Variants in RBM47 observed in about 807,000 individuals in gnomAD.
RBM47 encodes RNA binding motif protein 47, also known as RNA-binding protein 47.
RBM47 carries 21 observed loss-of-function variants against 47.1 expected under a neutral mutation model. The observed-to-expected ratio is 0.45, with a 90% CI of 0.32 to 0.64. The LOEUF is 0.64. Among genes scored for constraint, RBM47 ranks in the 30% least tolerant of loss-of-function variants. RBM47 has a pLI of 0.05. For missense variants in RBM47, 708 were observed against 870.9 expected, an observed-to-expected ratio of 0.81 and a Z score of 2.35; for synonymous variants, 375 against 361.7, an observed-to-expected ratio of 1.04 and a Z score of -0.42.
chr4:40,455,043 G>T (rs1716029119), intron 3 of RBM47, among the ~76,000 whole-genome samples: 1 of 152,190 alleles, frequency 6.6e-6, no homozygotes, highest in African/African-American at 2.4e-5. Context: ...ACATGGTAAA[G>T]TTGTTGGGAA....
chr4:40,562,592 A>G (rs1560470788), intron 1 of RBM47, among the ~76,000 whole-genome samples: 1 of 151,654 alleles, frequency 6.6e-6, no homozygotes, highest in Non-Finnish European at 1.5e-5. Context: ...CAGTCTCCCA[A>G]ATAATTGGGA....
At chr4:40,468,210 C>T (rs1718336294) in intron 2 of RBM47, among the ~76,000 whole-genome samples, 1 of 152,156 alleles carries the variant, frequency 6.6e-6, no homozygotes, top group Admixed American at 6.5e-5. Flanking sequence ...TCACTTGAAC[C>T]TGGGATGCGG....
chr4:40,559,923 C>T (rs1314725923), intron 1 of RBM47, among the ~76,000 whole-genome samples: 1 of 152,200 alleles, frequency 6.6e-6, no homozygotes, highest in African/African-American at 2.4e-5. Flanking sequence ...CTAGTGTTTA[C>T]CTTTTTTAAA....
intron 2 of RBM47, among the ~76,000 whole-genome samples, chr4:40,532,309 A>ATTTTTTTT (rs34850081): frequency 1.5e-5 from 1 of 65,778 alleles, no homozygotes; most frequent in Non-Finnish European, 2.9e-5. Flanking sequence ...CACGCCCGGC[A>ATTTTTTTT]TTTTTTTTTT....
chr4:40,550,147 G>A (rs1255137141), intron 1 of RBM47, among the ~76,000 whole-genome samples: 2 of 152,130 alleles, frequency 1.3e-5, no homozygotes, highest in African/African-American at 4.8e-5. Context: ...TGATTTCCTT[G>A]CATCTCTCCC....
intron 2 of RBM47, among the ~76,000 whole-genome samples, chr4:40,501,457 T>C (rs977573884): frequency 6.6e-6 from 1 of 152,216 alleles, no homozygotes; most frequent in Non-Finnish European, 1.5e-5. Flanking sequence ...GCCAGTGCCA[T>C]CCAACAGAGC....
chr4:40,543,885 T>C (rs566792449), intron 2 of RBM47: 98 of 150,696 alleles, frequency 6.5e-4, no homozygotes, highest in African/African-American at 2.4e-3. Flanking sequence ...ATGCATTTCT[T>C]ACCCTTAAAA....
At chr4:40,508,124 C>G (rs1204652225) in intron 2 of RBM47, among the ~76,000 whole-genome samples, 1 of 152,202 alleles carries the variant, frequency 6.6e-6, no homozygotes, top group South Asian at 2.1e-4. Flanking sequence ...TCGGAGGTGG[C>G]GGAGCCTCAA....
At chr4:40,521,343 G>C (rs1245885445) in intron 2 of RBM47, among the ~76,000 whole-genome samples, 1 of 152,084 alleles carries the variant, frequency 6.6e-6, no homozygotes, top group African/African-American at 2.4e-5. Flanking sequence ...TGGGATTACA[G>C]GCACCTGCCA....
intron 1 of RBM47, among the ~76,000 whole-genome samples, chr4:40,587,190 A>G (rs1438491971): frequency 1.3e-5 from 2 of 152,122 alleles, no homozygotes. Flanking sequence ...AGGCATCTAG[A>G]GACAAGCGGG....
At chr4:40,589,076 T>G (rs530206305) in intron 1 of RBM47, among the ~76,000 whole-genome samples, 64 of 139,662 alleles carry the variant, frequency 4.6e-4, no homozygotes, top group African/African-American at 1.6e-3. Flanking sequence ...CGGGTTCAAG[T>G]GATTCTCCCA....
At chr4:40,468,392 C>T (rs1212592633) in intron 2 of RBM47, among the ~76,000 whole-genome samples, 1 of 152,174 alleles carries the variant, frequency 6.6e-6, no homozygotes, top group Non-Finnish European at 1.5e-5. Context: ...AGTTGTAGCA[C>T]ACTTTTTTCC....
In RBM47 at chr4:40,496,430, A is replaced by C. The variant is rs979510028; in HGVS notation, c.-154-29731T>G. Among the ~76,000 whole-genome samples the C allele has an allele frequency of 1.0e-3, 154 of 152,170 alleles. 2 individuals are homozygous for C. The highest frequency in any genetic ancestry group is 3.5e-3 in the African/African-American group (144 of 41,516). On this transcript the variant is annotated intron_variant, in intron 2 of 6. Transcript: ENST00000295971. ...CAATAGTTTTTAAAAGCACCCTCTA[A>C]CACCACCCCAGCCAGGTGAGTCTAA...
At chr4:40,457,429 A>C (rs1470038541) in intron 3 of RBM47, among the ~76,000 whole-genome samples, 2 of 151,660 alleles carry the variant, frequency 1.3e-5, no homozygotes, top group Admixed American at 6.6e-5. Context: ...TCTCAAAAAA[A>C]AAAAAAAAAC....
chr4:40,473,259 T>C (rs932065026), intron 2 of RBM47, among the ~76,000 whole-genome samples: 1 of 152,214 alleles, frequency 6.6e-6, no homozygotes, highest in African/African-American at 2.4e-5. Context: ...ATTCTGGAGA[T>C]GCCAGAACTG....
chr4:40,577,645 T>TAA (rs10624014), intron 1 of RBM47, among the ~76,000 whole-genome samples: 46,309 of 146,612 alleles, frequency 0.32, 7,497 homozygotes, highest in Non-Finnish European at 0.34. Context: ...ATCTCATACT[T>TAA]AAAAAAAAAA....
At chr4:40,626,977 T>A (rs750479229) in intron 1 of RBM47, among the ~76,000 whole-genome samples, 10 of 152,232 alleles carry the variant, frequency 6.6e-5, no homozygotes, top group Non-Finnish European at 1.3e-4. Context: ...CCAGGTCATC[T>A]CTGCATTGCT....
At chr4:40,508,674 A>G (rs935798819) in intron 2 of RBM47, among the ~76,000 whole-genome samples, 1 of 152,214 alleles carries the variant, frequency 6.6e-6, no homozygotes, top group Non-Finnish European at 1.5e-5. Context: ...ACAAGTCAGA[A>G]TGGTGGTTAC....
intron 2 of RBM47, chr4:40,542,958 C>G (rs1288735030): frequency 6.6e-6 from 1 of 152,200 alleles, no homozygotes; most frequent in Non-Finnish European, 1.5e-5. Context: ...GGACAGCAAT[C>G]CTTTCTGTCC....
Sources: allele counts gnomAD v4.1 joint callset (sites outside exome capture counted in the v4.1 genomes callset), GRCh38; gene constraint gnomAD v4.1.1; transcripts MANE v1.5; gene names NCBI Gene and HGNC (gene_info 2026-07-23, HGNC 2026-07-21).